SLC9A2: variants seen among roughly 807,000 people sequenced by gnomAD.
The protein encoded by SLC9A2 is solute carrier family 9 member A2.
Under a neutral mutation model 71.7 loss-of-function variants are expected in SLC9A2, and 42 were observed. That is an observed-to-expected ratio of 0.59 (90% CI 0.46 to 0.76). The LOEUF is 0.76. SLC9A2 is among the 30% of genes least tolerant of loss of function. The pLI is 0.00. For missense variants in SLC9A2, 829 were observed against 1,017.4 expected (o/e 0.81, Z 2.52); for synonymous variants, 396 against 392.5 (o/e 1.01, Z -0.10).
chr2:102,691,045 T>G (rs1677651839), intron 5 of SLC9A2, among the ~76,000 whole-genome samples: 1 of 151,946 alleles, frequency 6.6e-6, no homozygotes, highest in Admixed American at 6.6e-5. Context: ...GTTTGTTTGT[T>G]TTCCCCTCTG....
rs774818633 is a variant in SLC9A2, at chr2:102,619,862, G to A, written c.14G>A (p.Gly5Asp). 6.5e-7 allele frequency: 1 copy of A among 1,532,190 alleles called. No individual in the cohort carries two copies. The highest frequency in any genetic ancestry group is 1.2e-5 in the South Asian group (1 of 80,790). 94.9% of individuals were successfully genotyped at this position (1,532,190 alleles called of 1,614,324 possible). A position where few individuals can be genotyped will look rare whatever the true frequency, so the allele number is the denominator to read the frequency against. Reference protein sequence around the residue: MEPLGNWRSLRAPLP... With the variant: MEPLDNWRSLRAPLP... ...CCGGCGGCACCCATGGAACCACTGG[G>A]CAACTGGAGGAGCCTGCGGGCGCCA... The change falls in exon 1 of 12, where the codon GGC (glycine) becomes GAC (aspartate). Residue 5 changes from glycine to aspartate, a missense_variant. Physicochemically the swap from Gly to Asp is moderately conservative, Grantham distance 94. Transcript: ENST00000233969. The surrounding 1 kb of genome is among the most constrained non-coding windows in gnomAD (Gnocchi z 4.3).
intron 5 of SLC9A2, among the ~76,000 whole-genome samples, chr2:102,685,808 G>A (rs577350981): frequency 6.6e-6 from 1 of 152,340 alleles, no homozygotes; most frequent in East Asian, 1.9e-4. Flanking sequence ...TGGAGATACG[G>A]ATGAGGCAGA....
chr2:102,648,689 C>G (rs988772305), intron 1 of SLC9A2, among the ~76,000 whole-genome samples: 1 of 152,004 alleles, frequency 6.6e-6, no homozygotes, highest in Non-Finnish European at 1.5e-5. Context: ...TCCTATACAC[C>G]AATAATAGAC....
At chr2:102,669,977 ACTC>A (rs1325831131) in intron 3 of SLC9A2, among the ~76,000 whole-genome samples, 1 of 151,764 alleles carries the variant, frequency 6.6e-6, no homozygotes, top group Non-Finnish European at 1.5e-5. Context: ...AAAATGGCTA[ACTC>A]CTCCTTCACA....
At chr2:102,699,005 G>T (rs1384670945) in intron 7 of SLC9A2, among the ~76,000 whole-genome samples, 1 of 152,196 alleles carries the variant, frequency 6.6e-6, no homozygotes, top group East Asian at 1.9e-4. Flanking sequence ...CTCTGCCCAT[G>T]TAGACCTTAC....
chr2:102,658,124 CACA>C, intron 2 of SLC9A2, 97 bp downstream of exon 2: 1 of 894,530 alleles, frequency 1.1e-6, no homozygotes, highest in Non-Finnish European at 1.7e-6. Flanking sequence ...CGAGACCCTG[CACA>C]CAGGGTGGTT....
At chr2:102,707,011 A>G (rs1051573636) in intron 11 of SLC9A2, among the ~76,000 whole-genome samples, 1 of 152,174 alleles carries the variant, frequency 6.6e-6, no homozygotes, top group Non-Finnish European at 1.5e-5. Context: ...ACCAAATACC[A>G]TATATTTTCA....
At chr2:102,677,467 T>C (rs1677363713) in intron 3 of SLC9A2, among the ~76,000 whole-genome samples, 1 of 152,212 alleles carries the variant, frequency 6.6e-6, no homozygotes, top group African/African-American at 2.4e-5. Context: ...CACCACACAT[T>C]TATGTTAAAG....
At chr2:102,643,593 G>T (rs752732227) in intron 1 of SLC9A2, among the ~76,000 whole-genome samples, 4 of 152,168 alleles carry the variant, frequency 2.6e-5, no homozygotes, top group Non-Finnish European at 4.4e-5. Context: ...TGAATGCCAT[G>T]GTCTGGGGGT....
At chr2:102,638,868 G>T (rs558477234) in intron 1 of SLC9A2, among the ~76,000 whole-genome samples, 27 of 152,306 alleles carry the variant, frequency 1.8e-4, no homozygotes, top group African/African-American at 6.3e-4. Flanking sequence ...AAACCATTCT[G>T]TGCTCTTTTT....
chr2:102,642,060 A>C (rs1676593623), intron 1 of SLC9A2, among the ~76,000 whole-genome samples: 1 of 151,776 alleles, frequency 6.6e-6, no homozygotes, highest in Non-Finnish European at 1.5e-5. Context: ...TAATAATAAT[A>C]ATAATAAAGA....
chr2:102,632,503 T>G (rs1266785990), intron 1 of SLC9A2, among the ~76,000 whole-genome samples: 1 of 152,074 alleles, frequency 6.6e-6, no homozygotes, highest in Non-Finnish European at 1.5e-5. Context: ...TCATAATTGA[T>G]GCGCTTCCTG....
At chr2:102,682,886 G>A (rs1366218660) in intron 3 of SLC9A2, among the ~76,000 whole-genome samples, 2 of 152,156 alleles carry the variant, frequency 1.3e-5, no homozygotes, top group African/African-American at 4.8e-5. Flanking sequence ...GGGCATATGT[G>A]GGAAAATAAA....
intron 1 of SLC9A2, among the ~76,000 whole-genome samples, chr2:102,655,735 G>A (rs1178960899): frequency 1.3e-5 from 2 of 152,164 alleles, no homozygotes; most frequent in African/African-American, 4.8e-5. Flanking sequence ...TGTTCCTGTT[G>A]CTATATAACA....
chr2:102,645,669 T>C (rs1676708418), intron 1 of SLC9A2, among the ~76,000 whole-genome samples: 2 of 151,814 alleles, frequency 1.3e-5, no homozygotes. Context: ...CAAGTGTCAA[T>C]AGCCGAATTA....
At chr2:102,636,309 T>G (rs1676468567) in intron 1 of SLC9A2, among the ~76,000 whole-genome samples, 1 of 152,190 alleles carries the variant, frequency 6.6e-6, no homozygotes, top group Admixed American at 6.5e-5. Context: ...TGGGATAGTT[T>G]CTTAGTTTAG....
chr2:102,686,180 T>C (rs1287803616), intron 5 of SLC9A2, among the ~76,000 whole-genome samples: 1 of 152,222 alleles, frequency 6.6e-6, no homozygotes, highest in Non-Finnish European at 1.5e-5. Context: ...AACAATTCCA[T>C]GGCACATAAC....
chr2:102,666,157 A>T (rs1357310240), intron 3 of SLC9A2, among the ~76,000 whole-genome samples: 1 of 151,620 alleles, frequency 6.6e-6, no homozygotes, highest in Non-Finnish European at 1.5e-5. Flanking sequence ...AAGCAAAATC[A>T]GCGAATGAGA....
At chr2:102,632,155 C>CACATATATGTATATAT (rs1676385217) in intron 1 of SLC9A2, among the ~76,000 whole-genome samples, 6 of 107,374 alleles carry the variant, frequency 5.6e-5, no homozygotes, top group Non-Finnish European at 3.5e-5. Flanking sequence ...TACATATATA[C>CACATATATGTATATAT]ACATATATAC....
Sources: allele counts gnomAD v4.1 joint callset (sites outside exome capture counted in the v4.1 genomes callset), GRCh38; gene constraint gnomAD v4.1.1; non-coding constraint Gnocchi (gnomAD v3.1); transcripts MANE v1.5; gene names NCBI Gene and HGNC (gene_info 2026-07-23, HGNC 2026-07-21).